Variants in KCNN3 observed in about 807,000 individuals in gnomAD.
The protein encoded by KCNN3 is small conductance calcium-activated potassium channel protein 3.
Under a neutral mutation model 62.9 loss-of-function variants are expected in KCNN3, and 16 were observed. The ratio of observed to expected loss-of-function variants is 0.25; its 90% confidence interval spans 0.17 to 0.39. KCNN3 has a LOEUF of 0.39. KCNN3 is among the 10% of genes least tolerant of loss of function. The pLI is 1.00. For synonymous variants in KCNN3, 370 were observed against 389.2 expected (o/e 0.95, Z 0.58); for missense variants, 599 against 949.4 (o/e 0.63, Z 4.85).
At position 154,727,312 on chromosome 1, in the gene KCNN3, T is replaced by A. The variant is rs114543816; in HGVS notation, c.1591-1286A>T. Reference sequence around the variant, plus strand: ...TCCCAGAATGGAAGGAATCTGTCAGTAACATTTTTGGCTCATCAGGTCTTA... The same window carrying A: ...TCCCAGAATGGAAGGAATCTGTCAGAAACATTTTTGGCTCATCAGGTCTTA... On this transcript the variant is annotated intron_variant, in intron 4 of 7. Transcript: ENST00000271915. Among the ~76,000 whole-genome samples the A allele has an allele frequency of 5.8e-3, 880 of 152,358 alleles. 8 individuals are homozygous for A. The highest frequency in any genetic ancestry group is 0.02 in the African/African-American group (835 of 41,582).
Position 154,703,077 on chromosome 1 carries a change from T to C in KCNN3, c.*4899A>G, listed in dbSNP as rs1699892581. The C allele has an allele frequency of 1.3e-5, 2 of 152,148 alleles. No homozygotes were observed. Among genetic ancestry groups the C allele is most frequent in the Admixed American group, 1.3e-4 (2 of 15,276 alleles). The allele number at this position is 152,148 out of a possible 1,614,324, so 9.4% of individuals were successfully genotyped here. The stretch of plus-strand genomic sequence containing the variant: ...AAAAGATCACAGTTATATTTTTTTC[T>C]ATCTGTATATATGTATATACCATTG... On this transcript the variant is annotated 3_prime_UTR_variant, in exon 8 of 8. Coordinates refer to ENST00000271915, the MANE Select transcript of KCNN3 (RefSeq NM_002249.6).
At chr1:154,842,684 A>C (rs1219583716) in intron 1 of KCNN3, among the ~76,000 whole-genome samples, 2 of 136,120 alleles carry the variant, frequency 1.5e-5, no homozygotes, top group Non-Finnish European at 3.1e-5. Flanking sequence ...CCCTGACATA[A>C]TTAAATGCTC....
chr1:154,747,638 G>A (rs1332849267), intron 3 of KCNN3, among the ~76,000 whole-genome samples: 1 of 152,104 alleles, frequency 6.6e-6, no homozygotes, highest in East Asian at 1.9e-4. Context: ...TATAACCTGG[G>A]GCACACCCAC....
chr1:154,814,332 A>G (rs949101775), intron 2 of KCNN3, among the ~76,000 whole-genome samples: 3 of 152,224 alleles, frequency 2.0e-5, no homozygotes, highest in African/African-American at 7.2e-5. Flanking sequence ...AGGCACTCTC[A>G]TGCCTTTGGG....
rs1553231996 is a variant in KCNN3 at position 154,766,416 on chromosome 1, T to TTTTATATATATATATATATATATA, written c.1448+5558_1448+5559insTATATATATATATATATATATAAA. Reference sequence around the variant, plus strand: ...CCATTTATTAAATACTAGCCAGGCTTTATATATATATATATATATATATAT... The same window carrying TTTTATATATATATATATATATATA: ...CCATTTATTAAATACTAGCCAGGCTTTTTATATATATATATATATATATATATATATATATATATATATATATAT... On this transcript the variant is annotated intron_variant, in intron 3 of 7. Coordinates refer to ENST00000271915, the MANE Select transcript of KCNN3 (RefSeq NM_002249.6). 1.3e-3 allele frequency among the ~76,000 whole-genome samples: 93 copies of TTTTATATATATATATATATATATA among 71,794 alleles called. 3 individuals are homozygous for TTTTATATATATATATATATATATA. The highest frequency in any genetic ancestry group is 0.012 in the Middle Eastern group (1 of 82). The allele number at this position is 71,794 out of a possible 152,430, so 47.1% of individuals were successfully genotyped here. A position where few individuals can be genotyped will look rare whatever the true frequency, so the allele number is the denominator to read the frequency against.
At chr1:154,775,480 A>G (rs1295052162) in intron 2 of KCNN3, among the ~76,000 whole-genome samples, 2 of 152,174 alleles carry the variant, frequency 1.3e-5, no homozygotes, top group Non-Finnish European at 2.9e-5. Flanking sequence ...CAATGGATTG[A>G]AAGGGTTTAA....
At chr1:154,861,621 C>T (rs1013655557) in intron 1 of KCNN3, among the ~76,000 whole-genome samples, 2 of 152,306 alleles carry the variant, frequency 1.3e-5, no homozygotes, top group South Asian at 2.1e-4. Flanking sequence ...ACCCCCCAAC[C>T]TCCTACAGGG....
rs936942679 is a variant in KCNN3, at chr1:154,834,941, A to C, written c.934-12757T>G. On this transcript the variant is annotated intron_variant, in intron 1 of 7. Transcript: ENST00000271915. ...CTGCTCCACTGAAGCCAGATTTGCTACTTCTTTCCCCCTGAGCTGCACTTG... is the reference window on the plus strand; with the variant it reads ...CTGCTCCACTGAAGCCAGATTTGCTCCTTCTTTCCCCCTGAGCTGCACTTG... 2.0e-5 allele frequency among the ~76,000 whole-genome samples: 3 copies of C among 152,202 alleles called. No individual in the cohort carries two copies. The East Asian group carries it at 5.8e-4, about 29-fold the overall frequency.
chr1:154,760,609 C>A (rs1647959403), intron 3 of KCNN3, among the ~76,000 whole-genome samples: 1 of 152,210 alleles, frequency 6.6e-6, no homozygotes, highest in Non-Finnish European at 1.5e-5. Flanking sequence ...CCTGGCGGAG[C>A]GAGCCTCGGC....
chr1:154,727,990 T>C (rs1327404040), intron 4 of KCNN3, among the ~76,000 whole-genome samples: 3 of 152,248 alleles, frequency 2.0e-5, no homozygotes, highest in Non-Finnish European at 2.9e-5. Flanking sequence ...CTCCTCTCGC[T>C]AGGCCCAGGC....
At chr1:154,724,942 C>T (rs1407924932) in intron 5 of KCNN3, among the ~76,000 whole-genome samples, 8 of 151,654 alleles carry the variant, frequency 5.3e-5, no homozygotes, top group East Asian at 1.9e-4. Context: ...CTGCAACCTC[C>T]GCTTCCTGGG....
At chr1:154,836,057 C>A (rs1203140031) in intron 1 of KCNN3, among the ~76,000 whole-genome samples, 2 of 152,174 alleles carry the variant, frequency 1.3e-5, no homozygotes, top group Admixed American at 6.5e-5. Context: ...GCCAAAGGCA[C>A]CTGACGCATG....
chr1:154,812,411 C>T (rs1269499403), intron 2 of KCNN3, among the ~76,000 whole-genome samples: 1 of 152,040 alleles, frequency 6.6e-6, no homozygotes, highest in South Asian at 2.1e-4. Flanking sequence ...CTCCCCCATC[C>T]CCCCACCCCA....
Position 154,698,011 on chromosome 1 carries a change from TA to T in KCNN3, c.*9964del, listed in dbSNP as rs1699773720. On this transcript the variant is annotated 3_prime_UTR_variant, in exon 8 of 8. Coordinates refer to ENST00000271915, the MANE Select transcript of KCNN3 (RefSeq NM_002249.6). ...ACTGTGTATAAGTATAAAGTACTAT[TA>T]TTTAGTAATCACTGAGTTGGTAAAT... The T allele has an allele frequency of 6.6e-6, 1 of 152,174 alleles. No homozygotes were observed. The highest frequency in any genetic ancestry group is 2.4e-5 in the African/African-American group (1 of 41,432). The allele number at this position is 152,174 out of a possible 1,614,324, so 9.4% of individuals were successfully genotyped here. A position where few individuals can be genotyped will look rare whatever the true frequency, so the allele number is the denominator to read the frequency against.
At chr1:154,821,888 C>T (rs929603458) in intron 2 of KCNN3, among the ~76,000 whole-genome samples, 10 of 152,184 alleles carry the variant, frequency 6.6e-5, no homozygotes, top group Admixed American at 2.0e-4. Flanking sequence ...AACAGTTATT[C>T]GAAAGCCACA....
At chr1:154,823,988 T>G (rs530434284) in intron 1 of KCNN3, among the ~76,000 whole-genome samples, 5 of 152,186 alleles carry the variant, frequency 3.3e-5, no homozygotes, top group African/African-American at 1.2e-4. Flanking sequence ...TTGGTACAGT[T>G]CTTGAGGCCC....
intron 2 of KCNN3, among the ~76,000 whole-genome samples, chr1:154,781,244 G>A (rs998985407): frequency 6.6e-5 from 10 of 152,254 alleles, no homozygotes; most frequent in South Asian, 2.1e-4. Context: ...GCATTTGAGC[G>A]AGCCACTATT....
At position 154,737,238 on chromosome 1, in the gene KCNN3, A is replaced by G. The variant is rs1280921757; in HGVS notation, c.1449-4094T>C. 4 of 559,854 alleles carry G rather than the reference A, an allele frequency of 7.1e-6. No homozygotes were observed. The East Asian group carries it at 1.2e-4, about 16-fold the overall frequency. 34.7% of individuals were successfully genotyped at this position (559,854 alleles called of 1,614,324 possible). A position where few individuals can be genotyped will look rare whatever the true frequency, so the allele number is the denominator to read the frequency against. ...GGGGGATAGCTCCATGTTTTTCTTTAAAGGCTGAGGAGGAAAAGATGTAAT... is the reference window on the plus strand; with the variant it reads ...GGGGGATAGCTCCATGTTTTTCTTTGAAGGCTGAGGAGGAAAAGATGTAAT... On this transcript the variant is annotated intron_variant, in intron 3 of 7. Coordinates refer to ENST00000271915, the MANE Select transcript of KCNN3 (RefSeq NM_002249.6).
At chr1:154,770,948 A>G (rs563229713) in intron 3 of KCNN3, among the ~76,000 whole-genome samples, 48 of 152,014 alleles carry the variant, frequency 3.2e-4, no homozygotes, top group African/African-American at 1.1e-3. Context: ...TCTCAGCTAC[A>G]TGGGAGGCTG....
Sources: gnomAD v4.1 joint callset for allele counts (sites outside exome capture counted in the v4.1 genomes callset) on GRCh38, gnomAD v4.1.1 for gene constraint, MANE v1.5 for transcripts, NCBI Gene and HGNC (gene_info 2026-07-23, HGNC 2026-07-21) for gene names.